Variants in MFHAS1 observed in about 807,000 individuals in gnomAD.
The protein encoded by MFHAS1 is multifunctional ROCO family signaling regulator 1.
Under a neutral mutation model 70.4 loss-of-function variants are expected in MFHAS1, and 50 were observed. The observed-to-expected ratio is 0.71, with a 90% CI of 0.57 to 0.90. The LOEUF (loss-of-function observed/expected upper bound fraction) is 0.90, where lower values mean the gene tolerates loss of function less well. Among genes scored for constraint, MFHAS1 ranks in the 40% least tolerant of loss-of-function variants. The pLI is 0.00. For synonymous variants in MFHAS1, 952 were observed against 620.0 expected, an observed-to-expected ratio of 1.54 and a Z score of -7.96; for missense variants, 1,795 against 1,347.6, an observed-to-expected ratio of 1.33 and a Z score of -5.20.
intron 1 of MFHAS1, among the ~76,000 whole-genome samples, chr8:8,803,908 G>T (rs1304079370): frequency 1.3e-5 from 2 of 152,068 alleles, no homozygotes; most frequent in Non-Finnish European, 2.9e-5. Context: ...GGAGGCAGAG[G>T]TTTCAGTAAG....
chr8:8,799,953 G>A (rs533294549), intron 1 of MFHAS1, among the ~76,000 whole-genome samples: 4 of 152,164 alleles, frequency 2.6e-5, no homozygotes, highest in African/African-American at 9.7e-5. Flanking sequence ...GTTATGCGAT[G>A]TACCCAGAGT....
At chr8:8,851,713 A>G (rs1808254472) in intron 1 of MFHAS1, among the ~76,000 whole-genome samples, 1 of 152,202 alleles carries the variant, frequency 6.6e-6, no homozygotes, top group African/African-American at 2.4e-5. Context: ...TTCACTGAGT[A>G]ACACTTTAAC....
At chr8:8,878,671 G>GAA (rs200980664) in intron 1 of MFHAS1, among the ~76,000 whole-genome samples, 1 of 134,308 alleles carries the variant, frequency 7.4e-6, no homozygotes, top group Non-Finnish European at 1.6e-5. Flanking sequence ...TTCAAAAAAA[G>GAA]AAAAAAAAAA....
chr8:8,891,580 G>A lies in MFHAS1; in HGVS notation c.1479C>T (p.Ser493=). The part of the protein sequence containing the change: ...SYEVIQPFFL[S]PGALYVLVVN... ...CCACCAGCACGTATAGGGCCCCTGGGGACAGGAAGAAGGGCTGGATCACCT... is the reference window on the plus strand; with the variant it reads ...CCACCAGCACGTATAGGGCCCCTGGAGACAGGAAGAAGGGCTGGATCACCT... Residue 493 remains serine, a synonymous_variant, in exon 1 of 3, where the codon TCC becomes TCT. Coordinates refer to ENST00000276282, the MANE Select transcript of MFHAS1 (RefSeq NM_004225.3). This position sits in a 1 kb window ranked among gnomAD's most constrained non-coding sequence, Gnocchi z 5.4. 6.2e-7 allele frequency: 1 copy of A among 1,613,324 alleles called. No homozygotes were observed. The highest frequency in any genetic ancestry group is 8.5e-7 in the Non-Finnish European group (1 of 1,180,034).
intron 1 of MFHAS1, among the ~76,000 whole-genome samples, chr8:8,873,622 G>A (rs936523080): frequency 1.3e-5 from 2 of 151,976 alleles, no homozygotes; most frequent in African/African-American, 4.8e-5. Flanking sequence ...AAACATCCAA[G>A]AAACATTTCC....
chr8:8,834,182 C>A (rs1405857232), intron 1 of MFHAS1, among the ~76,000 whole-genome samples: 3 of 152,104 alleles, frequency 2.0e-5, no homozygotes, highest in African/African-American at 7.2e-5. Context: ...GAACAGACTA[C>A]TGTCACATGC....
rs754487799 is a variant in MFHAS1, at chr8:8,891,168, C to T, written c.1891G>A (p.Asp631Asn). The stretch of plus-strand genomic sequence containing the variant: ...CGAAGGCGTCGTAAGTGGCGCGGGT[C>T]CCTGCAGCTAACAGGCAACACGGGG... ...LSPVLPVSCR[D>N]PRHLRRLRDK... Residue 631 changes from aspartate to asparagine, a missense_variant, in exon 1 of 3, where the codon GAC (aspartate) becomes AAC (asparagine). Transcript: ENST00000276282. The surrounding 1 kb of genome is among the most constrained non-coding windows in gnomAD (Gnocchi z 5.4). 1.2e-6 allele frequency: 2 copies of T among 1,613,436 alleles called. No homozygotes were observed. The highest frequency in any genetic ancestry group is 1.7e-6 in the Non-Finnish European group (2 of 1,180,038).
At chr8:8,840,313 C>G (rs1260253168) in intron 1 of MFHAS1, among the ~76,000 whole-genome samples, 1 of 152,068 alleles carries the variant, frequency 6.6e-6, no homozygotes, top group East Asian at 1.9e-4. Flanking sequence ...AAAAATTAGC[C>G]AGGTATGGTG....
At chr8:8,845,340 G>A (rs747271015) in intron 1 of MFHAS1, among the ~76,000 whole-genome samples, 1 of 152,230 alleles carries the variant, frequency 6.6e-6, no homozygotes, top group African/African-American at 2.4e-5. Flanking sequence ...TACAATTGAT[G>A]TATCTGTGAA....
intron 1 of MFHAS1, among the ~76,000 whole-genome samples, chr8:8,875,539 T>C (rs908816241): frequency 2.6e-4 from 39 of 152,222 alleles, no homozygotes; most frequent in Admixed American, 1.5e-3. Context: ...GCAAAATGTG[T>C]AGTGATTACT....
rs138842051 is a variant in MFHAS1 at position 8,872,610 on chromosome 8, T to C, written c.2998+17451A>G. On this transcript the variant is annotated intron_variant, in intron 1 of 2. Transcript: ENST00000276282. ...ATTACACAGAGGAGGCTCAGATGCA[T>C]AGGCTCGGATGCATGAACAGCATTC... 2.2e-3 allele frequency among the ~76,000 whole-genome samples: 333 copies of C among 152,240 alleles called. 1 individual carries two copies. The highest frequency in any genetic ancestry group is 3.7e-3 in the Non-Finnish European group (252 of 68,018).
intron 1 of MFHAS1, among the ~76,000 whole-genome samples, chr8:8,822,865 A>G (rs1807018412): frequency 6.6e-6 from 1 of 152,252 alleles, no homozygotes; most frequent in Admixed American, 6.5e-5. Flanking sequence ...GGGGACTGAG[A>G]CGGGCACAGG....
intron 1 of MFHAS1, among the ~76,000 whole-genome samples, chr8:8,882,449 G>A (rs1019583100): frequency 1.3e-5 from 2 of 151,368 alleles, no homozygotes; most frequent in African/African-American, 2.4e-5. Flanking sequence ...CACTTGCCAG[G>A]CATCAATTAA....
At chr8:8,840,729 TC>T (rs1194664498) in intron 1 of MFHAS1, among the ~76,000 whole-genome samples, 8 of 152,134 alleles carry the variant, frequency 5.3e-5, no homozygotes, top group Non-Finnish European at 1.0e-4. Context: ...AGAATCCCTG[TC>T]CCCCTAAATC....
intron 1 of MFHAS1, among the ~76,000 whole-genome samples, chr8:8,889,245 A>G (rs1312817312): frequency 6.6e-6 from 1 of 152,202 alleles, no homozygotes; most frequent in Non-Finnish European, 1.5e-5. Context: ...AGACGTCTAT[A>G]AAACTCGAAA....
intron 1 of MFHAS1, among the ~76,000 whole-genome samples, chr8:8,836,428 G>C (rs1402351024): frequency 6.6e-6 from 1 of 152,098 alleles, no homozygotes; most frequent in Non-Finnish European, 1.5e-5. Context: ...GCCCAGGCTG[G>C]AGTGCAGTGG....
intron 1 of MFHAS1, among the ~76,000 whole-genome samples, chr8:8,808,458 G>A (rs755743710): frequency 1.8e-4 from 28 of 152,312 alleles, no homozygotes; most frequent in Admixed American, 9.8e-4. Context: ...ATAATGGCCC[G>A]AAAGTGTAAG....
At chr8:8,851,685 C>T (rs1808253796) in intron 1 of MFHAS1, among the ~76,000 whole-genome samples, 1 of 152,128 alleles carries the variant, frequency 6.6e-6, no homozygotes, top group South Asian at 2.1e-4. Context: ...TTCCTCTTGC[C>T]TTGTTTTTCT....
At chr8:8,873,074 A>T (rs1809148455) in intron 1 of MFHAS1, among the ~76,000 whole-genome samples, 1 of 152,202 alleles carries the variant, frequency 6.6e-6, no homozygotes. Flanking sequence ...TGGGCACAAA[A>T]CAGCCCAGCT....
Sources: gnomAD v4.1 joint callset for allele counts (sites outside exome capture counted in the v4.1 genomes callset) on GRCh38, gnomAD v4.1.1 for gene constraint, Gnocchi (gnomAD v3.1) non-coding constraint, MANE v1.5 for transcripts, NCBI Gene and HGNC (gene_info 2026-07-23, HGNC 2026-07-21) for gene names.